SH3TC2: variants seen among roughly 807,000 people sequenced by gnomAD.
SH3TC2 encodes the protein SH3 domain and tetratricopeptide repeat-containing protein 2.
Under a neutral mutation model 124.5 loss-of-function variants are expected in SH3TC2, and 87 were observed. The ratio of observed to expected loss-of-function variants is 0.70; its 90% CI spans 0.59 to 0.84. The LOEUF (loss-of-function observed/expected upper bound fraction) is 0.84, where lower values mean the gene tolerates loss of function less well. Among genes scored for constraint, SH3TC2 ranks in the 40% least tolerant of loss-of-function variants. The pLI, the probability that SH3TC2 is intolerant of heterozygous loss-of-function variation, is 0.00. For missense variants in SH3TC2, 1,536 were observed against 1,566.4 expected (o/e 0.98, Z 0.33); for synonymous variants, 634 against 628.5 (o/e 1.01, Z -0.13).
intron 1 of SH3TC2, among the ~76,000 whole-genome samples, chr5:149,061,813 G>C (rs913994367): frequency 1.3e-5 from 2 of 152,110 alleles, no homozygotes; most frequent in Non-Finnish European, 2.9e-5. Context: ...TAGGACTTAG[G>C]GGGAGGGACT....
chr5:149,006,664 A>G (rs1753693590), intron 16 of SH3TC2, among the ~76,000 whole-genome samples: 1 of 152,148 alleles, frequency 6.6e-6, no homozygotes, highest in South Asian at 2.1e-4. Flanking sequence ...TCTACTCCTC[A>G]GCGAAGATGG....
intron 5 of SH3TC2, 111 bp from the exon 6 acceptor site, chr5:149,041,728 A>G: frequency 8.4e-7 from 1 of 1,191,500 alleles, no homozygotes; most frequent in Non-Finnish European, 1.2e-6. Context: ...TCTTCCTGGA[A>G]GTAAAGTAGA....
chr5:149,004,613 A>G lies in SH3TC2; in HGVS notation c.*98T>C. The G allele has an allele frequency of 7.8e-7, 1 of 1,284,996 alleles. No homozygotes were observed. Among genetic ancestry groups the G allele is most frequent in the Non-Finnish European group, 1.1e-6 (1 of 928,080 alleles). 79.6% of individuals were successfully genotyped at this position (1,284,996 alleles called of 1,614,324 possible). ...TCTTGTGAAATGAGGGGGCTAGGCC[A>G]GGTAAGGACTCGGACCCTCCCAATG... On this transcript the variant is annotated 3_prime_UTR_variant, in exon 17 of 17. Coordinates refer to ENST00000515425, the MANE Select transcript of SH3TC2 (RefSeq NM_024577.4).
chr5:149,012,525 A>G, intron 13 of SH3TC2, 59 bp downstream of exon 13: 1 of 1,604,312 alleles, frequency 6.2e-7, no homozygotes, highest in Middle Eastern at 1.8e-4. Context: ...TGGAGGGTAC[A>G]GCTGCCTCCC....
Position 148,998,201 on chromosome 5 carries a change from C to A in SH3TC2, c.*6510G>T, listed in dbSNP as rs116056843. Reference sequence around the variant, plus strand: ...TTGCATATGCACAAACATATGCACACGAGGATAAACCATAAAATGCATTTC... The same window carrying A: ...TTGCATATGCACAAACATATGCACAAGAGGATAAACCATAAAATGCATTTC... On this transcript the variant is annotated 3_prime_UTR_variant, in exon 17 of 17. Transcript: ENST00000515425. Among the ~76,000 whole-genome samples the A allele has an allele frequency of 6.6e-6, 1 of 152,138 alleles. No individual in the cohort carries two copies. The highest frequency in any genetic ancestry group is 1.5e-5 in the Non-Finnish European group (1 of 68,028).
chr5:149,011,430 AC>A (rs1753781151), intron 13 of SH3TC2, among the ~76,000 whole-genome samples: 1 of 152,108 alleles, frequency 6.6e-6, no homozygotes, highest in Non-Finnish European at 1.5e-5. Flanking sequence ...CTCTCTGGAA[AC>A]CCTTTCAGCC....
intron 16 of SH3TC2, 106 bp downstream of exon 16, chr5:149,006,775 C>T (rs748011401): frequency 9.6e-5 from 112 of 1,162,356 alleles, no homozygotes; most frequent in Non-Finnish European, 1.4e-4. Context: ...CATCTTGGCA[C>T]TCTGGTTTTC....
In SH3TC2 at chr5:148,988,489, G is replaced by C. The variant is rs1753369689; in HGVS notation, c.*16222C>G. Among the ~76,000 whole-genome samples the C allele has an allele frequency of 2.0e-5, 3 of 152,174 alleles. No homozygotes were observed. On this transcript the variant is annotated 3_prime_UTR_variant, in exon 17 of 17. Coordinates refer to ENST00000515425, the MANE Select transcript of SH3TC2 (RefSeq NM_024577.4). Reference sequence around the variant, plus strand: ...TTGCAGCTCCCCGTTTAATCTCCTGGAATGCTAGCTCTTGGAATGCACTCT... The same window carrying C: ...TTGCAGCTCCCCGTTTAATCTCCTGCAATGCTAGCTCTTGGAATGCACTCT...
chr5:149,038,628 C>G (rs1754322801), intron 7 of SH3TC2, 138 bp from the exon 8 acceptor site: 1 of 910,164 alleles, frequency 1.1e-6, no homozygotes, highest in Non-Finnish European at 1.8e-6. Flanking sequence ...CCCCTCCCCA[C>G]CCAAAAATTG....
At position 149,003,652 on chromosome 5, in the gene SH3TC2, T is replaced by A; in HGVS notation, c.*1059A>T. Reference sequence around the variant, plus strand: ...CACTCAGTGTGCTATGCAGTGATGTTATTAATAGAGATGCTTTGTAAAGCA... The same window carrying A: ...CACTCAGTGTGCTATGCAGTGATGTAATTAATAGAGATGCTTTGTAAAGCA... On this transcript the variant is annotated 3_prime_UTR_variant, in exon 17 of 17. Coordinates refer to ENST00000515425, the MANE Select transcript of SH3TC2 (RefSeq NM_024577.4). 1 of 339,146 alleles carries A rather than the reference T, an allele frequency of 2.9e-6. No homozygotes were observed. The highest frequency in any genetic ancestry group is 5.9e-6 in the Non-Finnish European group (1 of 168,994). The allele number at this position is 339,146 out of a possible 1,614,324, so 21.0% of individuals were successfully genotyped here.
At position 149,038,272 on chromosome 5, in the gene SH3TC2, A is replaced by G. The variant is rs373051983; in HGVS notation, c.1001+23T>C. 3.9e-5 allele frequency: 62 copies of G among 1,610,074 alleles called. No individual in the cohort carries two copies. The African/African-American group carries it at 7.9e-4, about 20-fold the overall frequency. ...CTGGGAAAGGGAGCCCAGCTCCAGG[A>G]CATGCTCACTGTCAATACTCACATT... On this transcript the variant is annotated intron_variant, in intron 8 of 16. Coordinates refer to ENST00000515425, the MANE Select transcript of SH3TC2 (RefSeq NM_024577.4).
chr5:149,015,178 A>G (rs1175323530), intron 12 of SH3TC2, among the ~76,000 whole-genome samples: 1 of 152,220 alleles, frequency 6.6e-6, no homozygotes. Flanking sequence ...TGGCTCACAC[A>G]GCACCATTGA....
At position 148,989,649 on chromosome 5, in the gene SH3TC2, C is replaced by T. The variant is rs886060115; in HGVS notation, c.*15062G>A. On this transcript the variant is annotated 3_prime_UTR_variant, in exon 17 of 17. Coordinates refer to ENST00000515425, the MANE Select transcript of SH3TC2 (RefSeq NM_024577.4). ...GATGTTGGTACAATTCTGTATTGTC[C>T]GGTTTGCACTGATAATAAAACAGTC... Among the ~76,000 whole-genome samples the T allele has an allele frequency of 6.6e-5, 10 of 152,164 alleles. No homozygotes were observed. Among genetic ancestry groups the T allele is most frequent in the Admixed American group, 2.0e-4 (3 of 15,266 alleles).
At chr5:149,048,209 G>T (rs531719889) in intron 2 of SH3TC2, among the ~76,000 whole-genome samples, 1 of 152,116 alleles carries the variant, frequency 6.6e-6, no homozygotes, top group African/African-American at 2.4e-5. Flanking sequence ...CTCTGGAATC[G>T]CAGGAGTTGA....
rs1202298031 is a variant in SH3TC2, at chr5:149,000,256, A to G, written c.*4455T>C. 6.6e-6 allele frequency among the ~76,000 whole-genome samples: 1 copy of G among 152,138 alleles called. No individual in the cohort carries two copies. The highest frequency in any genetic ancestry group is 2.4e-5 in the African/African-American group (1 of 41,428). On this transcript the variant is annotated 3_prime_UTR_variant, in exon 17 of 17. Transcript: ENST00000515425. Reference sequence around the variant, plus strand: ...GTGCCCAAACCTGGCATTGAATGACACTGACCCTCCTCAGAAGGAGCTCAG... The same window carrying G: ...GTGCCCAAACCTGGCATTGAATGACGCTGACCCTCCTCAGAAGGAGCTCAG...
At chr5:149,009,068 A>T (rs1470985124) in intron 14 of SH3TC2, 67 bp from the exon 15 acceptor site, 108 of 1,602,742 alleles carry the variant, frequency 6.7e-5, no homozygotes, top group African/African-American at 9.4e-5. Flanking sequence ...TAGCTAGGAG[A>T]CTTATCTTCT....
rs1179445233 is a variant in SH3TC2, at chr5:148,992,604, T to G, written c.*12107A>C. Among the ~76,000 whole-genome samples, 9 of 51,262 alleles carry G rather than the reference T, an allele frequency of 1.8e-4. No homozygotes were observed. Among genetic ancestry groups the G allele is most frequent in the African/African-American group, 7.1e-4 (6 of 8,394 alleles). The allele number at this position is 51,262 out of a possible 152,430, so 33.6% of individuals were successfully genotyped here. A position where few individuals can be genotyped will look rare whatever the true frequency, so the allele number is the denominator to read the frequency against. Reference sequence around the variant, plus strand: ...TTCCAAGAAGAGATTTCATTGGTTTTTTTTTTTTTTTTTTTTTTCAGATTT... The same window carrying G: ...TTCCAAGAAGAGATTTCATTGGTTTGTTTTTTTTTTTTTTTTTTCAGATTT... On this transcript the variant is annotated 3_prime_UTR_variant, in exon 17 of 17. Coordinates refer to ENST00000515425, the MANE Select transcript of SH3TC2 (RefSeq NM_024577.4).
At chr5:149,022,370 T>TA (rs981410739) in intron 12 of SH3TC2, among the ~76,000 whole-genome samples, 2 of 151,808 alleles carry the variant, frequency 1.3e-5, no homozygotes, top group Non-Finnish European at 2.9e-5. Context: ...ATGGCTAAAA[T>TA]AAAAAAAAGA....
Position 149,028,064 on chromosome 5 carries a change from G to C in SH3TC2, c.1668C>G (p.His556Gln). The change falls in exon 11 of 17, where the codon CAC (histidine) becomes CAG (glutamine). Residue 556 changes from histidine to glutamine, a missense_variant. By Grantham distance (24) the His-to-Gln change is conservative. Around this residue, in one of 3 missense-constraint regions of SH3TC2, gnomAD observed 1,102 missense variants for 1,098.6 expected, o/e 1.00. Coordinates refer to ENST00000515425, the MANE Select transcript of SH3TC2 (RefSeq NM_024577.4). The stretch of plus-strand genomic sequence containing the variant: ...GGTCCTCAAATGCTCCATTGAGAAT[G>C]TGGATGGCCTCCTCGAAGTACACCC... ...QARVYFEEAI[H>Q]ILNGAFEDLS... 6.2e-7 allele frequency: 1 copy of C among 1,614,142 alleles called. No homozygotes were observed. The highest frequency in any genetic ancestry group is 1.1e-5 in the South Asian group (1 of 91,084).
Sources: gnomAD v4.1 joint callset for allele counts (sites outside exome capture counted in the v4.1 genomes callset) on GRCh38, gnomAD v4.1.1 for gene constraint, gnomAD v4.1.1 regional missense constraint, MANE v1.5 for transcripts, NCBI Gene and HGNC (gene_info 2026-07-23, HGNC 2026-07-21) for gene names.